NLGN4Y: variants seen among roughly 807,000 people sequenced by gnomAD.
NLGN4Y encodes neuroligin 4 Y-linked, also known as neuroligin-4, Y-linked.
In NLGN4Y, 4 loss-of-function variants were observed where a neutral mutation model predicts 8.4. The ratio of observed to expected loss-of-function variants is 0.48; its 90% CI spans 0.23 to 1.09. The LOEUF is 1.09. NLGN4Y is among the 50% of genes least tolerant of loss of function. The pLI, the probability that NLGN4Y is intolerant of heterozygous loss-of-function variation, is 0.19. For synonymous variants in NLGN4Y, 35 were observed against 75.6 expected (o/e 0.46, Z 2.78); for missense variants, 90 against 192.3 (o/e 0.47, Z 3.15).
At chrY:14,820,157 G>A (rs760445773) in intron 4 of NLGN4Y, among the ~76,000 whole-genome samples, 5 of 32,800 alleles carry the variant, frequency 1.5e-4, no homozygotes, top group East Asian at 8.1e-4. Context: ...AATAAATGTC[G>A]GATTTAGTAG....
intron 1 of NLGN4Y, among the ~76,000 whole-genome samples, chrY:14,598,883 G>GTATATATATATATA (rs756147894): frequency 7.4e-5 from 1 of 13,551 alleles, no homozygotes; most frequent in African/African-American, 3.9e-4. Context: ...AATAGGAGAT[G>GTATATATATATATA]TATATATATA....
At chrY:14,627,585 G>A in intron 2 of NLGN4Y, among the ~76,000 whole-genome samples, 1 of 34,912 alleles carries the variant, frequency 2.9e-5, no homozygotes, top group Non-Finnish European at 7.3e-5. Flanking sequence ...TGCTGCCCGC[G>A]GAGTGGGGGC....
rs2080795868 is a variant in NLGN4Y, at chrY:14,687,521, G to A, written c.473-31938G>A. The stretch of plus-strand genomic sequence containing the variant: ...CAAAGTCATGTCTTACATGGATGGC[G>A]GCAGGCAAGAGAGAGCATGTGCAGG... On this transcript the variant is annotated intron_variant, in intron 2 of 6. Coordinates refer to ENST00000684976, the MANE Select transcript of NLGN4Y (RefSeq NM_001365588.1). Among the ~76,000 whole-genome samples, 4 of 32,649 alleles carry A rather than the reference G, an allele frequency of 1.2e-4. No homozygotes were observed. The East Asian group carries it at 2.5e-3, about 20-fold the overall frequency. 87.6% of individuals were successfully genotyped at this position (32,649 alleles called of 37,273 possible).
intron 4 of NLGN4Y, among the ~76,000 whole-genome samples, chrY:14,817,604 C>T (rs2043106825): frequency 6.0e-5 from 2 of 33,112 alleles, no homozygotes; most frequent in African/African-American, 1.2e-4. Context: ...AAACTGGTAG[C>T]GAAAAGTAAA....
At chrY:14,804,470 G>C (rs2043049596) in intron 4 of NLGN4Y, among the ~76,000 whole-genome samples, 8 of 33,368 alleles carry the variant, frequency 2.4e-4, no homozygotes, top group Admixed American at 2.2e-3. Context: ...CTTATGAAAA[G>C]TTTTCTTACA....
intron 1 of NLGN4Y, among the ~76,000 whole-genome samples, chrY:14,594,502 C>T (rs1603500825): frequency 6.0e-5 from 2 of 33,137 alleles, no homozygotes; most frequent in Non-Finnish European, 1.5e-4. Context: ...TCTCTGATCT[C>T]GCTTTTCCTT....
At chrY:14,662,486 A>T (rs757161588) in intron 2 of NLGN4Y, among the ~76,000 whole-genome samples, 1 of 33,383 alleles carries the variant, frequency 3.0e-5, no homozygotes, top group East Asian at 8.0e-4. Context: ...GAACTACAAC[A>T]TTAAAGTGGC....
At chrY:14,708,445 T>C in intron 2 of NLGN4Y, among the ~76,000 whole-genome samples, 1 of 33,833 alleles carries the variant, frequency 3.0e-5, no homozygotes, top group Non-Finnish European at 7.3e-5. Context: ...GAAACACCTT[T>C]GTTTTCTTTT....
intron 2 of NLGN4Y, among the ~76,000 whole-genome samples, chrY:14,643,764 A>G (rs2080599982): frequency 2.9e-5 from 1 of 34,122 alleles, no homozygotes; most frequent in East Asian, 7.8e-4. Context: ...TGTGAACATG[A>G]AAATGAATTT....
intron 4 of NLGN4Y, among the ~76,000 whole-genome samples, chrY:14,723,965 T>C (rs2080946919): frequency 3.0e-5 from 1 of 33,661 alleles, no homozygotes; most frequent in African/African-American, 1.2e-4. Flanking sequence ...TAATACCTTC[T>C]TAGATGACCT....
chrY:14,694,555 A>G, intron 2 of NLGN4Y, among the ~76,000 whole-genome samples: 1 of 33,456 alleles, frequency 3.0e-5, no homozygotes, highest in Non-Finnish European at 7.4e-5. Context: ...CACTATCTGA[A>G]TGATGAGAAA....
intron 2 of NLGN4Y, among the ~76,000 whole-genome samples, chrY:14,676,137 A>G (rs2080748237): frequency 3.1e-5 from 1 of 32,751 alleles, no homozygotes; most frequent in Non-Finnish European, 7.5e-5. Flanking sequence ...GGGATCTAGG[A>G]GTTAACCCCA....
chrY:14,614,621 A>G, intron 1 of NLGN4Y, among the ~76,000 whole-genome samples: 1 of 33,509 alleles, frequency 3.0e-5, no homozygotes, highest in East Asian at 7.8e-4. Context: ...GTAAGGTGTA[A>G]GGAAGGGATC....
intron 4 of NLGN4Y, among the ~76,000 whole-genome samples, chrY:14,811,023 G>A (rs552043358): frequency 1.3e-3 from 43 of 33,218 alleles, no homozygotes; most frequent in Admixed American, 3.8e-3. Context: ...AAAATCAAAG[G>A]CACTGAATTT....
intron 4 of NLGN4Y, chrY:14,733,482 C>CA (rs1239544399): frequency 1.4e-5 from 5 of 362,598 alleles, no homozygotes; most frequent in Non-Finnish European, 1.9e-5. Context: ...TGTGGGAGCT[C>CA]AAAAATGTTT....
At chrY:14,586,714 G>A in intron 1 of NLGN4Y, among the ~76,000 whole-genome samples, 1 of 32,382 alleles carries the variant, frequency 3.1e-5, no homozygotes, top group Non-Finnish European at 7.5e-5. Flanking sequence ...TGTAATCACA[G>A]CTACACAGAA....
chrY:14,612,597 T>A, intron 1 of NLGN4Y, among the ~76,000 whole-genome samples: 1 of 33,644 alleles, frequency 3.0e-5, no homozygotes, highest in South Asian at 6.6e-4. Flanking sequence ...CTCCAGACCC[T>A]GTTTTCCTGG....
intron 4 of NLGN4Y, among the ~76,000 whole-genome samples, chrY:14,738,151 T>C (rs954055794): frequency 1.2e-4 from 4 of 32,556 alleles, no homozygotes; most frequent in Admixed American, 5.8e-4. Flanking sequence ...TCTTTAGTAT[T>C]GTGGAGTACA....
At chrY:14,586,538 G>A in intron 1 of NLGN4Y, among the ~76,000 whole-genome samples, 1 of 32,789 alleles carries the variant, frequency 3.0e-5, no homozygotes, top group Non-Finnish European at 7.5e-5. Flanking sequence ...CCTTATGAAC[G>A]AAACGTAGAG....
Sources: allele counts gnomAD v4.1 joint callset (sites outside exome capture counted in the v4.1 genomes callset), GRCh38; gene constraint gnomAD v4.1.1; transcripts MANE v1.5; gene names NCBI Gene and HGNC (gene_info 2026-07-23, HGNC 2026-07-21).